PIP5K1C: variants seen among roughly 807,000 people sequenced by gnomAD.
The protein encoded by PIP5K1C is phosphatidylinositol-4-phosphate 5-kinase type 1 gamma.
Under a neutral mutation model 80.1 loss-of-function variants are expected in PIP5K1C, and 45 were observed. The ratio of observed to expected loss-of-function variants is 0.56; its 90% CI spans 0.44 to 0.72. PIP5K1C has a LOEUF of 0.72. Ranked by LOEUF, PIP5K1C falls within the 30% of genes least tolerant of loss-of-function variation. The pLI, the probability that PIP5K1C is intolerant of heterozygous loss-of-function variation, is 0.00. For missense variants in PIP5K1C, 753 were observed against 954.6 expected (o/e 0.79, Z 2.78); for synonymous variants, 498 against 420.1 (o/e 1.19, Z -2.27).
At chr19:3,669,474 C>T (rs746282993) in intron 1 of PIP5K1C, among the ~76,000 whole-genome samples, 3 of 152,190 alleles carry the variant, frequency 2.0e-5, no homozygotes, top group Non-Finnish European at 2.9e-5. Context: ...GGTGGGGACC[C>T]GGCTGGGTGT....
rs74322196 is a variant in PIP5K1C, at chr19:3,631,567, G to A, written c.*1600C>T. 0.072 allele frequency: 10,960 copies of A among 152,382 alleles called. 690 individuals carry two copies. Among genetic ancestry groups the A allele is most frequent in the East Asian group, 0.34 (1,733 of 5,168 alleles). The allele number at this position is 152,382 out of a possible 1,614,324, so 9.4% of individuals were successfully genotyped here. The stretch of plus-strand genomic sequence containing the variant: ...TGTCCTGATGGATGCTGGGAGCCAC[G>A]CGGCTGGCCGGTTCCCGAGGAGGGT... On this transcript the variant is annotated 3_prime_UTR_variant, in exon 18 of 18. Coordinates refer to ENST00000335312, the MANE Select transcript of PIP5K1C (RefSeq NM_012398.3).
chr19:3,679,424 C>T (rs981826342), intron 1 of PIP5K1C, among the ~76,000 whole-genome samples: 59 of 152,232 alleles, frequency 3.9e-4, no homozygotes, highest in African/African-American at 3.9e-4. Context: ...GGGAGACCGT[C>T]CTCACAGCCA....
chr19:3,661,733 G>A (rs2034837978), intron 4 of PIP5K1C, 138 bp downstream of exon 4: 4 of 966,846 alleles, frequency 4.1e-6, no homozygotes, highest in Non-Finnish European at 6.4e-6. Flanking sequence ...CGGACAGAGG[G>A]CCAGAGCTCA....
intron 14 of PIP5K1C, among the ~76,000 whole-genome samples, chr19:3,642,057 G>A (rs930273109): frequency 5.3e-5 from 8 of 152,152 alleles, no homozygotes; most frequent in Non-Finnish European, 1.0e-4. Context: ...AGCCCCGACC[G>A]GTGTGGGTGC....
At chr19:3,661,724 G>T in intron 4 of PIP5K1C, 147 bp downstream of exon 4, 1 of 888,908 alleles carries the variant, frequency 1.1e-6, no homozygotes, top group Non-Finnish European at 1.8e-6. Flanking sequence ...ACGTCCTGAC[G>T]GACAGAGGGC....
chr19:3,634,892 T>C (rs987942284), intron 16 of PIP5K1C, among the ~76,000 whole-genome samples: 1 of 152,274 alleles, frequency 6.6e-6, no homozygotes, highest in Admixed American at 6.5e-5. Flanking sequence ...CGCGGAGGAC[T>C]GACTCCTGCA....
At position 3,638,915 on chromosome 19, in the gene PIP5K1C, T is replaced by G. The variant is rs1436218169; in HGVS notation, c.1889A>C (p.Glu630Ala). 1 of 1,612,758 alleles carries G rather than the reference T, an allele frequency of 6.2e-7. No homozygotes were observed. The highest frequency in any genetic ancestry group is 1.7e-5 in the Admixed American group (1 of 59,992). Residue 630 changes from glutamate (E) to alanine (A), a missense_variant, in exon 16 of 18, where the codon GAG becomes GCG. Transcript: ENST00000335312. ...EGAPASQASD[E>A]EDAPATDIYF... ...GATGTCGGTGGCGGGCGCGTCCTCC[T>G]CGTCCGAGGCCTGGCTGGCAGGTGC... is the stretch of plus-strand genomic sequence containing the variant.
At chr19:3,633,226 C>A in intron 17 of PIP5K1C, 57 bp from the exon 18 acceptor site, 1 of 736,180 alleles carries the variant, frequency 1.4e-6, no homozygotes, top group Non-Finnish European at 2.5e-6. Flanking sequence ...CCCCAGGCCC[C>A]CTGCCAGGGA....
At chr19:3,682,591 C>A (rs972002805) in intron 1 of PIP5K1C, among the ~76,000 whole-genome samples, 10 of 151,756 alleles carry the variant, frequency 6.6e-5, no homozygotes, top group Admixed American at 1.3e-4. Context: ...CGGGAGGCTG[C>A]GGTGGGAAGA....
intron 15 of PIP5K1C, among the ~76,000 whole-genome samples, chr19:3,640,779 C>T (rs1049821801): frequency 5.3e-5 from 8 of 151,478 alleles, no homozygotes; most frequent in Admixed American, 2.0e-4. Flanking sequence ...CTCTGCCTCC[C>T]GGGTTCACGC....
At chr19:3,638,846 T>C (rs746156011) in intron 16 of PIP5K1C, 38 bp downstream of exon 16, 6 of 1,612,028 alleles carry the variant, frequency 3.7e-6, no homozygotes, top group Non-Finnish European at 4.2e-6. Flanking sequence ...GAGAGTCCGG[T>C]TGACGAGCCG....
intron 16 of PIP5K1C, 108 bp from the exon 17 acceptor site, chr19:3,633,628 T>G: frequency 2.4e-5 from 16 of 680,404 alleles, no homozygotes; most frequent in Non-Finnish European, 2.8e-5. Flanking sequence ...AAGAGGCGAA[T>G]CCCCCATGGA....
chr19:3,660,070 G>A (rs1202724813), intron 5 of PIP5K1C, among the ~76,000 whole-genome samples: 1 of 152,190 alleles, frequency 6.6e-6, no homozygotes, highest in Non-Finnish European at 1.5e-5. Flanking sequence ...GGATGCCGGG[G>A]CTCACGCCTG....
At chr19:3,663,644 G>A (rs1028265592) in intron 3 of PIP5K1C, among the ~76,000 whole-genome samples, 1 of 151,782 alleles carries the variant, frequency 6.6e-6, no homozygotes, top group African/African-American at 2.4e-5. Context: ...TGAAACCCCT[G>A]TCTCTACCAA....
rs899882773 is a variant in PIP5K1C, at chr19:3,688,516, C to T, written c.94+11781G>A. On this transcript the variant is annotated intron_variant, in intron 1 of 17. Coordinates refer to ENST00000335312, the MANE Select transcript of PIP5K1C (RefSeq NM_012398.3). The surrounding 1 kb of genome is among the most constrained non-coding windows in gnomAD (Gnocchi z 5.3). ...GCTCCGGTGAGGCCACCCTCGCCCC[C>T]TGGTTTCAACTCCTGCTGTGAGCAC... is the stretch of plus-strand genomic sequence containing the variant. 6.6e-6 allele frequency among the ~76,000 whole-genome samples: 1 copy of T among 152,178 alleles called. No homozygotes were observed. Among genetic ancestry groups the T allele is most frequent in the African/African-American group, 2.4e-5 (1 of 41,448 alleles).
In PIP5K1C at chr19:3,642,902, C is replaced by T; in HGVS notation, c.1682+5G>A. 4 of 1,612,810 alleles carry T rather than the reference C, an allele frequency of 2.5e-6. No homozygotes were observed. The highest frequency in any genetic ancestry group is 3.4e-6 in the Non-Finnish European group (4 of 1,179,364). ...ACCCAGGGAAGGAAGGGGGTTGGGT[C>T]TCACCTGCCATCCTGTCCAGACGAC... is the stretch of plus-strand genomic sequence containing the variant. On this transcript the variant is annotated splice_donor_5th_base_variant and intron_variant, in intron 14 of 17. Coordinates refer to ENST00000335312, the MANE Select transcript of PIP5K1C (RefSeq NM_012398.3).
intron 15 of PIP5K1C, 28 bp downstream of exon 15, chr19:3,641,677 C>G: frequency 1.9e-6 from 3 of 1,579,746 alleles, no homozygotes; most frequent in Non-Finnish European, 2.6e-6. Context: ...AGGTGGGCGC[C>G]CCGACCTCCC....
intron 1 of PIP5K1C, among the ~76,000 whole-genome samples, chr19:3,678,482 G>GT (rs2035475651): frequency 7.9e-6 from 1 of 126,204 alleles, no homozygotes; most frequent in Non-Finnish European, 1.7e-5. Context: ...GGATGGAGGA[G>GT]GGATGGAGGC....
intron 11 of PIP5K1C, among the ~76,000 whole-genome samples, chr19:3,644,587 C>T (rs1027973145): frequency 4.6e-5 from 7 of 152,328 alleles, no homozygotes; most frequent in Non-Finnish European, 5.9e-5. Flanking sequence ...CTTCTATGTG[C>T]GGCCCAGCCC....
Sources: allele counts gnomAD v4.1 joint callset (sites outside exome capture counted in the v4.1 genomes callset), GRCh38; gene constraint gnomAD v4.1.1; non-coding constraint Gnocchi (gnomAD v3.1); transcripts MANE v1.5; gene names NCBI Gene and HGNC (gene_info 2026-07-23, HGNC 2026-07-21).